MOCOS: variants seen among roughly 807,000 people sequenced by gnomAD.
MOCOS encodes the protein molybdenum cofactor sulfurase.
A neutral mutation model predicts 83.6 loss-of-function variants in MOCOS; 86 were observed. That is an observed-to-expected ratio of 1.03 (90% CI 0.86 to 1.23). The LOEUF (loss-of-function observed/expected upper bound fraction) is 1.23, where lower values mean the gene tolerates loss of function less well. MOCOS is among the 50% of genes most tolerant of loss of function. The pLI, the probability that MOCOS is intolerant of heterozygous loss-of-function variation, is 0.00. For synonymous variants in MOCOS, 445 were observed against 434.7 expected (o/e 1.02, Z -0.29); for missense variants, 1,120 against 1,126.9 (o/e 0.99, Z 0.09).
In MOCOS at chr18:36,205,771, G is replaced by A. The variant is rs147224212; in HGVS notation, c.1218+495G>A. On this transcript the variant is annotated intron_variant, in intron 6 of 14. Transcript: ENST00000261326. ...ATTTATTTTTTTGAGGTGGGGTCTC[G>A]CTCTTTCACCCAGGCTGGCATGCAA... is the stretch of plus-strand genomic sequence containing the variant. Among the ~76,000 whole-genome samples the A allele has an allele frequency of 3.2e-3, 483 of 152,164 alleles. 2 individuals are homozygous for A. The highest frequency in any genetic ancestry group is 0.011 in the African/African-American group (447 of 41,520).
At chr18:36,193,903 A>G (rs1004511007) in intron 1 of MOCOS, among the ~76,000 whole-genome samples, 1 of 152,232 alleles carries the variant, frequency 6.6e-6, no homozygotes, top group Non-Finnish European at 1.5e-5. Context: ...AATATTCCTC[A>G]GTAGATGAAT....
chr18:36,213,283 A>G (rs2091461992), intron 6 of MOCOS, 83 bp from the exon 7 acceptor site: 4 of 1,014,740 alleles, frequency 3.9e-6, no homozygotes, highest in East Asian at 2.4e-5. Flanking sequence ...ATTAGGAAAG[A>G]GAGGTCCAAA....
At chr18:36,192,151 T>C (rs1010617190) in intron 1 of MOCOS, among the ~76,000 whole-genome samples, 7 of 152,156 alleles carry the variant, frequency 4.6e-5, no homozygotes, top group Non-Finnish European at 1.0e-4. Context: ...GGGATCCAGA[T>C]TGGAAAGAAG....
At chr18:36,195,169 A>T in intron 1 of MOCOS, 88 bp from the exon 2 acceptor site, 1 of 1,077,408 alleles carries the variant, frequency 9.3e-7, no homozygotes, top group Non-Finnish European at 1.4e-6. Context: ...GCCTGATGTT[A>T]CGTCTGCATG....
chr18:36,240,563 C>T (rs1469517968), intron 9 of MOCOS, among the ~76,000 whole-genome samples: 3 of 151,664 alleles, frequency 2.0e-5, no homozygotes, highest in South Asian at 2.1e-4. Flanking sequence ...ACATTTAAGT[C>T]TGCAGAGGTT....
Position 36,260,033 on chromosome 18 carries a change from T to C in MOCOS, c.2271-4T>C. 6.2e-7 allele frequency: 1 copy of C among 1,614,180 alleles called. No homozygotes were observed. Among genetic ancestry groups the C allele is most frequent in the Non-Finnish European group, 8.5e-7 (1 of 1,180,016 alleles). ...TACTTACTCTTTTTGGTTGCTTTAATCAGTGATGAGAATGGAAAGGAGGAA... is the reference window on the plus strand; with the variant it reads ...TACTTACTCTTTTTGGTTGCTTTAACCAGTGATGAGAATGGAAAGGAGGAA... On this transcript the variant is annotated splice_polypyrimidine_tract_variant and splice_region_variant and intron_variant, in intron 12 of 14. Coordinates refer to ENST00000261326, the MANE Select transcript of MOCOS (RefSeq NM_017947.4).
chr18:36,248,093 T>C (rs756898127), intron 9 of MOCOS, among the ~76,000 whole-genome samples: 2 of 152,222 alleles, frequency 1.3e-5, no homozygotes, highest in Non-Finnish European at 2.9e-5. Context: ...TTCCCCTTTC[T>C]CTGCATCCTC....
chr18:36,266,655 A>T, intron 13 of MOCOS, 94 bp from the exon 14 acceptor site: 1 of 1,027,302 alleles, frequency 9.7e-7, no homozygotes, highest in Non-Finnish European at 1.5e-6. Context: ...CTCCATAGTT[A>T]GGGGACTGGG....
At chr18:36,229,130 G>T (rs2091528720) in intron 9 of MOCOS, among the ~76,000 whole-genome samples, 2 of 152,000 alleles carry the variant, frequency 1.3e-5, no homozygotes, top group East Asian at 3.9e-4. Flanking sequence ...TTATTTATTT[G>T]TCTACATATT....
At chr18:36,236,675 A>C (rs1423444260) in intron 9 of MOCOS, among the ~76,000 whole-genome samples, 12 of 137,940 alleles carry the variant, frequency 8.7e-5, no homozygotes, top group Non-Finnish European at 1.4e-4. Flanking sequence ...GAAGAAAGGC[A>C]TTGGTAGCCT....
intron 6 of MOCOS, among the ~76,000 whole-genome samples, chr18:36,210,433 A>G (rs1022362807): frequency 1.1e-4 from 16 of 152,108 alleles, no homozygotes; most frequent in African/African-American, 3.1e-4. Context: ...TGACACTACT[A>G]AGAAGCACAA....
intron 3 of MOCOS, among the ~76,000 whole-genome samples, 155 bp from the exon 4 acceptor site, chr18:36,199,528 C>G (rs539206846): frequency 2.5e-4 from 38 of 152,246 alleles, no homozygotes; most frequent in Admixed American, 2.5e-3. Context: ...CTCGTTCCCA[C>G]GGCTTCCATT....
At chr18:36,216,883 G>A (rs2091477788) in intron 8 of MOCOS, among the ~76,000 whole-genome samples, 1 of 152,142 alleles carries the variant, frequency 6.6e-6, no homozygotes, top group Non-Finnish European at 1.5e-5. Context: ...TGTGTCTCCT[G>A]GGATGTACAG....
At chr18:36,228,741 A>T (rs1364037719) in intron 9 of MOCOS, among the ~76,000 whole-genome samples, 1 of 151,994 alleles carries the variant, frequency 6.6e-6, no homozygotes. Flanking sequence ...ATTAGGCTTA[A>T]TACCTGGGTG....
chr18:36,209,612 A>C (rs1459482661), intron 6 of MOCOS, among the ~76,000 whole-genome samples: 2 of 151,930 alleles, frequency 1.3e-5, no homozygotes, highest in African/African-American at 4.8e-5. Flanking sequence ...TTCCTGAGTT[A>C]TTTCACTTAG....
chr18:36,208,324 A>G (rs1378629303), intron 6 of MOCOS, among the ~76,000 whole-genome samples: 2 of 151,392 alleles, frequency 1.3e-5, no homozygotes, highest in East Asian at 3.9e-4. Context: ...TTTTTTTCTA[A>G]TTCCATGAGA....
intron 9 of MOCOS, among the ~76,000 whole-genome samples, chr18:36,231,908 T>C (rs1407119657): frequency 6.6e-6 from 1 of 152,236 alleles, no homozygotes; most frequent in African/African-American, 2.4e-5. Flanking sequence ...AAAAGATTTC[T>C]AAGACCCAGG....
At chr18:36,256,257 A>G (rs924048874) in intron 11 of MOCOS, among the ~76,000 whole-genome samples, 3 of 152,146 alleles carry the variant, frequency 2.0e-5, no homozygotes, top group Non-Finnish European at 2.9e-5. Context: ...CACTTGCCCA[A>G]GGGCAAACAG....
intron 1 of MOCOS, among the ~76,000 whole-genome samples, chr18:36,192,524 C>T (rs1453019844): frequency 6.6e-6 from 1 of 152,026 alleles, no homozygotes; most frequent in Non-Finnish European, 1.5e-5. Flanking sequence ...GGCAATAATC[C>T]CCAAATTAAT....
Sources: gnomAD v4.1 joint callset for allele counts (sites outside exome capture counted in the v4.1 genomes callset) on GRCh38, gnomAD v4.1.1 for gene constraint, MANE v1.5 for transcripts, NCBI Gene and HGNC (gene_info 2026-07-23, HGNC 2026-07-21) for gene names.